Variants in ARHGEF2 observed in about 807,000 individuals in gnomAD.
ARHGEF2 encodes Rho/Rac guanine nucleotide exchange factor 2.
In ARHGEF2, 22 loss-of-function variants were observed where a neutral mutation model predicts 121.0. That is an observed-to-expected ratio of 0.18 (90% CI 0.13 to 0.26). ARHGEF2 has a LOEUF of 0.26. ARHGEF2 is among the 10% of genes least tolerant of loss of function. ARHGEF2 has a pLI of 1.00. For synonymous variants in ARHGEF2, 487 were observed against 530.0 expected, an observed-to-expected ratio of 0.92 and a Z score of 1.11; for missense variants, 907 against 1,336.0, an observed-to-expected ratio of 0.68 and a Z score of 5.01.
In ARHGEF2 at chr1:155,963,190, G is replaced by A; in HGVS notation, c.725-7C>T. ...AGCTCTGTCTGGATTAGCTCTGTGG[G>A]GGACATTGGGACATTTGGCCTCTAC... On this transcript the variant is annotated splice_region_variant and splice_polypyrimidine_tract_variant and intron_variant, in intron 7 of 21. Coordinates refer to ENST00000361247, the MANE Select transcript of ARHGEF2 (RefSeq NM_001162383.2). 6.2e-7 allele frequency: 1 copy of A among 1,603,424 alleles called. No individual in the cohort carries two copies. The highest frequency in any genetic ancestry group is 8.5e-7 in the Non-Finnish European group (1 of 1,177,052).
At chr1:155,969,020 C>G (rs1679976629) in intron 2 of ARHGEF2, 136 bp downstream of exon 2, 1 of 1,079,670 alleles carries the variant, frequency 9.3e-7, no homozygotes, top group Non-Finnish European at 1.4e-6. Context: ...GATCAAGCAA[C>G]TGGCCCTGGC....
rs1288730869 is a variant in ARHGEF2, at chr1:155,951,437, T to C, written c.2259+46A>G. Reference sequence around the variant, plus strand: ...CATGCCCCACCTAAACAGGCATCTCTAGCCTGGCTCCTCCCCTTCCCCATT... The same window carrying C: ...CATGCCCCACCTAAACAGGCATCTCCAGCCTGGCTCCTCCCCTTCCCCATT... On this transcript the variant is annotated intron_variant, in intron 19 of 21. Transcript: ENST00000361247. The surrounding 1 kb of genome is among the most constrained non-coding windows in gnomAD (Gnocchi z 5.1). 2 of 1,611,358 alleles carry C rather than the reference T, an allele frequency of 1.2e-6. No individual in the cohort carries two copies. Among genetic ancestry groups the C allele is most frequent in the Non-Finnish European group, 1.7e-6 (2 of 1,177,660 alleles).
Position 155,951,644 on chromosome 1 carries a change from G to A in ARHGEF2, c.2208+97C>T. ...GTAGGATCCGGAGACATACTTGAAT[G>A]TAGACGCTTTCCCCACCCCACTCCA... On this transcript the variant is annotated intron_variant, in intron 18 of 21. Coordinates refer to ENST00000361247, the MANE Select transcript of ARHGEF2 (RefSeq NM_001162383.2). The surrounding 1 kb of genome is among the most constrained non-coding windows in gnomAD (Gnocchi z 5.1). 1 of 1,605,796 alleles carries A rather than the reference G, an allele frequency of 6.2e-7. No homozygotes were observed. The highest frequency in any genetic ancestry group is 1.3e-5 in the African/African-American group (1 of 74,862).
chr1:155,976,031 G>C (rs1681238276), intron 1 of ARHGEF2, among the ~76,000 whole-genome samples: 1 of 151,952 alleles, frequency 6.6e-6, no homozygotes, highest in Non-Finnish European at 1.5e-5. Context: ...GATCCTGTGA[G>C]GATGGGACAG....
At chr1:155,954,851 TTG>T in intron 14 of ARHGEF2, 49 bp downstream of exon 14, 1 of 1,509,738 alleles carries the variant, frequency 6.6e-7, no homozygotes, top group South Asian at 1.2e-5. Context: ...TAATATTCCA[TTG>T]TGTGAATGTA....
Position 155,965,529 on chromosome 1 carries a change from G to A in ARHGEF2, c.470+102C>T, listed in dbSNP as rs1271359181. On this transcript the variant is annotated intron_variant, in intron 5 of 21. Coordinates refer to ENST00000361247, the MANE Select transcript of ARHGEF2 (RefSeq NM_001162383.2). The surrounding 1 kb of genome is among the most constrained non-coding windows in gnomAD (Gnocchi z 6.0). ...CCCCCTAAGTTCTCCTTATTTGTCT[G>A]TCTACAGTTCTGAACTCAGGGATGG... 1 of 1,605,428 alleles carries A rather than the reference G, an allele frequency of 6.2e-7. No individual in the cohort carries two copies. Among genetic ancestry groups the A allele is most frequent in the African/African-American group, 1.3e-5 (1 of 74,618 alleles).
Position 155,965,107 on chromosome 1 carries a change from A to G in ARHGEF2, c.605T>C (p.Met202Thr). The change falls in exon 7 of 22, where the codon ATG becomes ACG. Residue 202 changes from methionine (M) to threonine (T), a missense_variant. Physicochemically the swap from Met to Thr is moderately conservative, Grantham distance 81. Transcript: ENST00000361247. The surrounding 1 kb of genome is among the most constrained non-coding windows in gnomAD (Gnocchi z 6.0). ...DEAEVIYSEL[M>T]SDFEMDEKDF... is the part of the protein sequence containing the mutation. ...CTTCTCATCCATCTCAAAGTCACTCATCAGCTCACTGTAGATTACCTCTGC... is the reference window on the plus strand; with the variant it reads ...CTTCTCATCCATCTCAAAGTCACTCGTCAGCTCACTGTAGATTACCTCTGC... 2 of 1,614,090 alleles carry G rather than the reference A, an allele frequency of 1.2e-6. No individual in the cohort carries two copies. The highest frequency in any genetic ancestry group is 1.7e-6 in the Non-Finnish European group (2 of 1,180,016).
chr1:155,951,020 G>A lies in ARHGEF2; in HGVS notation c.2512C>T (p.Arg838Trp), dbSNP rs772971872. 4.4e-6 allele frequency: 7 copies of A among 1,605,188 alleles called. No individual in the cohort carries two copies. Among genetic ancestry groups the A allele is most frequent in the East Asian group, 2.2e-5 (1 of 44,574 alleles). The change falls in exon 20 of 22, where the codon CGG becomes TGG. Residue 838 changes from arginine (R) to tryptophan (W), a missense_variant. Arg to Trp is a moderately radical substitution (Grantham distance 101, BLOSUM62 -3). Transcript: ENST00000361247. This position sits in a 1 kb window ranked among gnomAD's most constrained non-coding sequence, Gnocchi z 5.1. ...CGGGCCTGCTCACTCTCCCGGAGCCGGGCCTCCAGGCTGCCAGCTTCGGTT... is the reference window on the plus strand; with the variant it reads ...CGGGCCTGCTCACTCTCCCGGAGCCAGGCCTCCAGGCTGCCAGCTTCGGTT... ...RATEAGSLEARLRESEQARAL... is the reference protein window; with the variant it reads ...RATEAGSLEAWLRESEQARAL...
At chr1:155,969,076 T>C in intron 2 of ARHGEF2, 80 bp downstream of exon 2, 1 of 1,559,196 alleles carries the variant, frequency 6.4e-7, no homozygotes, top group Admixed American at 1.7e-5. Context: ...CCCTCATGGA[T>C]CCAGGCAGAA....
chr1:155,947,955 G>T lies in ARHGEF2; in HGVS notation c.2948C>A (p.Ala983Asp). 6.4e-7 allele frequency: 1 copy of T among 1,550,796 alleles called. No individual in the cohort carries two copies. The highest frequency in any genetic ancestry group is 8.7e-7 in the Non-Finnish European group (1 of 1,146,652). ...GGAGGGGCCCCCTTAGCTCTCGGAG[G>T]CTACAGCCTCCCCGTCGCGGCTCTC... Reference protein sequence around the residue: ...ETESRDGEAVASES With the variant: ...ETESRDGEAVDSES Residue 983 changes from alanine to aspartate, a missense_variant, in exon 22 of 22, where the codon GCC becomes GAC. Physicochemically the swap from Ala to Asp is moderately radical, Grantham distance 126. Transcript: ENST00000361247.
intron 12 of ARHGEF2, 137 bp from the exon 13 acceptor site, chr1:155,958,019 G>T: frequency 1.1e-6 from 1 of 891,118 alleles, no homozygotes; most frequent in Non-Finnish European, 1.7e-6. Flanking sequence ...AGGCACTGGT[G>T]CCAGCCAGAA....
intron 2 of ARHGEF2, among the ~76,000 whole-genome samples, chr1:155,967,371 A>G (rs79305370): frequency 0.025 from 3,798 of 152,264 alleles, 119 homozygotes; most frequent in African/African-American, 0.071. Context: ...AACCACCCGT[A>G]GAGGGAGGTT....
upstream of ARHGEF2, chr1:155,978,647 C>A (rs74404550): frequency 8.4e-6 from 10 of 1,189,166 alleles, no homozygotes; most frequent in Non-Finnish European, 1.1e-5. This position sits in a 1 kb window ranked among gnomAD's most constrained non-coding sequence, Gnocchi z 4.1. Context: ...GCGGGGTGCC[C>A]GCGCGCAGGA....
upstream of ARHGEF2, chr1:155,978,630 AGGGAGGGCGG>A: frequency 2.4e-6 from 3 of 1,226,810 alleles, no homozygotes; most frequent in Non-Finnish European, 3.1e-6. The surrounding 1 kb of genome is among the most constrained non-coding windows in gnomAD (Gnocchi z 4.1). Flanking sequence ...GGCGGAGCGG[AGGGAGGGCGG>A]GGTGCCCGCG....
At chr1:155,977,856 T>C (rs1011008614) in intron 1 of ARHGEF2, among the ~76,000 whole-genome samples, 7 of 151,552 alleles carry the variant, frequency 4.6e-5, no homozygotes, top group Admixed American at 2.6e-4. Flanking sequence ...GTGGTGGTGG[T>C]GGTGGGAGGA....
At chr1:155,973,425 C>G (rs1013875666) in intron 1 of ARHGEF2, among the ~76,000 whole-genome samples, 2 of 152,304 alleles carry the variant, frequency 1.3e-5, no homozygotes, top group Admixed American at 1.3e-4. Context: ...CACTGTCATC[C>G]CAGATCTCAG....
At chr1:155,977,611 G>A (rs927598689) in intron 1 of ARHGEF2, among the ~76,000 whole-genome samples, 1 of 152,158 alleles carries the variant, frequency 6.6e-6, no homozygotes, top group Non-Finnish European at 1.5e-5. Flanking sequence ...GGAGGCTGGC[G>A]GGGCAGATAG....
chr1:155,964,144 CAAA>C (rs71576039), intron 7 of ARHGEF2, among the ~76,000 whole-genome samples: 1,722 of 55,598 alleles, frequency 0.031, 39 homozygotes, highest in Non-Finnish European at 0.038. Flanking sequence ...GACTCTGCTT[CAAA>C]AAAAAAAAAA....
Position 155,963,149 on chromosome 1 carries a change from T to G in ARHGEF2, c.759A>C (p.Thr253=). Residue 253 remains threonine, a synonymous_variant, in exon 8 of 22, where the codon ACA becomes ACC. Transcript: ENST00000361247. ...LIQTELHHVR[T]LKIMTRLFRT... is the part of the protein sequence containing the mutation. ...GGAAGAGGCGGGTCATGATCTTCAG[T>G]GTCCTCACATGGTGCAGCTCTGTCT... The G allele has an allele frequency of 6.2e-7, 1 of 1,612,860 alleles. No individual in the cohort carries two copies. Among genetic ancestry groups the G allele is most frequent in the Non-Finnish European group, 8.5e-7 (1 of 1,179,918 alleles).
Sources: gnomAD v4.1 joint callset for allele counts (sites outside exome capture counted in the v4.1 genomes callset) on GRCh38, gnomAD v4.1.1 for gene constraint, Gnocchi (gnomAD v3.1) non-coding constraint, MANE v1.5 for transcripts, NCBI Gene and HGNC (gene_info 2026-07-23, HGNC 2026-07-21) for gene names.